The following ZNF239 variants were observed in gnomAD, a reference collection of about 807,000 sequenced individuals.
The protein encoded by ZNF239 is zinc finger protein (C2H2) homologous to mouse MOK-2.
Under a neutral mutation model 27.5 loss-of-function variants are expected in ZNF239, and 16 were observed. That is an observed-to-expected ratio of 0.58 (90% confidence interval 0.39 to 0.88). ZNF239 has a LOEUF of 0.88. Ranked by LOEUF, ZNF239 falls within the 40% of genes least tolerant of loss-of-function variation. The pLI, the probability that ZNF239 is intolerant of heterozygous loss-of-function variation, is 0.00. For synonymous variants in ZNF239, 199 were observed against 192.6 expected, an observed-to-expected ratio of 1.03 and a Z score of -0.27; for missense variants, 527 against 551.9, an observed-to-expected ratio of 0.95 and a Z score of 0.45.
chr10:43,564,359 G>C, intron 3 of ZNF239: 3 of 833,876 alleles, frequency 3.6e-6, no homozygotes, highest in Non-Finnish European at 2.9e-6. Context: ...CATCTAACTT[G>C]AGCTTGAAAA....
chr10:43,573,598 G>C (rs1010898857), intron 2 of ZNF239, 39 bp downstream of exon 2: 2 of 984,824 alleles, frequency 2.0e-6, no homozygotes, highest in African/African-American at 3.5e-5. Flanking sequence ...GGACATTTCA[G>C]GGAGATGGCA....
rs367949093 is a variant in ZNF239 at position 43,557,031 on chromosome 10, C to T, written c.1049G>A (p.Gly350Asp). 3.1e-6 allele frequency: 5 copies of T among 1,608,942 alleles called. No individual in the cohort carries two copies. The African/African-American group carries it at 4.1e-5, about 13-fold the overall frequency. The change falls in exon 4 of 4, where the codon GGT (glycine) becomes GAT (aspartate). Residue 350 changes from glycine (G) to aspartate (D), a missense_variant. By Grantham distance (94) the Gly-to-Asp change is moderately conservative. Coordinates refer to ENST00000374446, the MANE Select transcript of ZNF239 (RefSeq NM_001099282.2). The part of the protein sequence containing the change: ...VHTGERPYKC[G>D]ECGKGFSQSS... ...CTGACTGAAGCCCTTCCCACACTCA[C>T]CACACTTGTAGGGCCTCTCTCCTGT...
rs538705197 is a variant in ZNF239 at position 43,556,451 on chromosome 10, C to T, written c.*252G>A. ...CTTGCCGTTAAAATGCTGGGTAGAA[C>T]ATGTAGTTGAATTGTAAAGTACAGA... On this transcript the variant is annotated 3_prime_UTR_variant, in exon 4 of 4. Transcript: ENST00000374446. 2.0e-5 allele frequency: 9 copies of T among 444,138 alleles called. No individual in the cohort carries two copies. The highest frequency in any genetic ancestry group is 1.6e-4 in the South Asian group (3 of 19,254). 27.5% of individuals were successfully genotyped at this position (444,138 alleles called of 1,614,324 possible). A position where few individuals can be genotyped will look rare whatever the true frequency, so the allele number is the denominator to read the frequency against.
chr10:43,559,499 T>C (rs565906522), intron 3 of ZNF239, among the ~76,000 whole-genome samples: 27 of 152,186 alleles, frequency 1.8e-4, no homozygotes, highest in East Asian at 1.7e-3. Context: ...AGATAGGAAA[T>C]GCAACAGGAA....
chr10:43,568,356 AG>A (rs1837820712), intron 2 of ZNF239: 2 of 985,466 alleles, frequency 2.0e-6, no homozygotes, highest in African/African-American at 3.5e-5. Flanking sequence ...TAACACTCGC[AG>A]GAACAATTTA....
At chr10:43,568,259 G>A in intron 2 of ZNF239, 2 of 985,402 alleles carry the variant, frequency 2.0e-6, no homozygotes, top group South Asian at 4.7e-5. Flanking sequence ...CAAGTTCTCA[G>A]CTACTGAATC....
intron 3 of ZNF239, among the ~76,000 whole-genome samples, chr10:43,567,491 C>G (rs1357430674): frequency 6.6e-6 from 1 of 152,184 alleles, no homozygotes; most frequent in East Asian, 1.9e-4. Context: ...CTGGAAGTCC[C>G]TGCTTTCGAC....
intron 3 of ZNF239, among the ~76,000 whole-genome samples, chr10:43,561,944 C>G (rs11238588): frequency 0.15 from 23,473 of 152,110 alleles, 2,184 homozygotes; most frequent in East Asian, 0.45. Context: ...TTTTAAAAAG[C>G]AAGTATTAGC....
chr10:43,569,261 C>G (rs1837881955), intron 2 of ZNF239, among the ~76,000 whole-genome samples: 2 of 152,180 alleles, frequency 1.3e-5, no homozygotes, highest in African/African-American at 4.8e-5. Flanking sequence ...CTCTCTAGGC[C>G]TAGGCAGCAC....
intron 2 of ZNF239, 52 bp from the exon 3 acceptor site, chr10:43,568,073 C>T: frequency 4.1e-6 from 4 of 985,736 alleles, no homozygotes; most frequent in Non-Finnish European, 4.8e-6. Context: ...GCACAAATGC[C>T]CTGCAAGTGG....
At position 43,557,947 on chromosome 10, in the gene ZNF239, C is replaced by T. The variant is rs1436915232; in HGVS notation, c.133G>A (p.Asp45Asn). The change falls in exon 4 of 4, where the codon GAC becomes AAC. Residue 45 changes from aspartate to asparagine, a missense_variant. Physicochemically the swap from Asp to Asn is conservative, Grantham distance 23. Transcript: ENST00000374446. ...EASSPISRNR[D>N]SVMTLQSGCF... is the part of the protein sequence containing the mutation. ...CCACTTTGAAGAGTCATCACACTGT[C>T]CCTGTTTCTGGAAATAGGAGAAGAT... The T allele has an allele frequency of 3.1e-6, 5 of 1,614,034 alleles. No homozygotes were observed. Among genetic ancestry groups the T allele is most frequent in the African/African-American group, 1.3e-5 (1 of 74,916 alleles).
At chr10:43,559,884 A>C (rs1162259858) in intron 3 of ZNF239, among the ~76,000 whole-genome samples, 1 of 152,210 alleles carries the variant, frequency 6.6e-6, no homozygotes, top group African/African-American at 2.4e-5. Flanking sequence ...TGTACAGCTC[A>C]AATTATGTAT....
chr10:43,562,104 G>A (rs1837299757), intron 3 of ZNF239, among the ~76,000 whole-genome samples: 1 of 152,102 alleles, frequency 6.6e-6, no homozygotes, highest in African/African-American at 2.4e-5. Context: ...TAGGCATTTG[G>A]GGAGGTAATA....
At position 43,556,945 on chromosome 10, in the gene ZNF239, C is replaced by CA; in HGVS notation, c.1134dup (p.Glu379Ter). 6.2e-7 allele frequency: 1 copy of CA among 1,612,444 alleles called. No homozygotes were observed. On this transcript the variant is annotated frameshift_variant, in exon 4 of 4. Coordinates refer to ENST00000374446, the MANE Select transcript of ZNF239 (RefSeq NM_001099282.2). LOFTEE classifies it high-confidence loss of function. ...CTCTGGCTGAAACCCTTCCCACACT[C>CA]ATAGCATTGGTAAGGCTTCTCTCCT...
chr10:43,562,705 T>TTCACA (rs1837345082), intron 3 of ZNF239, among the ~76,000 whole-genome samples: 1 of 152,252 alleles, frequency 6.6e-6, no homozygotes, highest in East Asian at 1.9e-4. Context: ...GTTTTTACTA[T>TTCACA]GAGCTGTCCA....
At chr10:43,567,800 C>T in intron 3 of ZNF239, 99 bp downstream of exon 3, 1 of 651,258 alleles carries the variant, frequency 1.5e-6, no homozygotes, top group Non-Finnish European at 1.9e-6. Flanking sequence ...AGTTCTTTAG[C>T]TGCTTAGAAT....
At chr10:43,560,663 AAAAAAGGCCTATAAT>A (rs1837167452) in intron 3 of ZNF239, among the ~76,000 whole-genome samples, 2 of 151,258 alleles carry the variant, frequency 1.3e-5, no homozygotes, top group Middle Eastern at 3.2e-3. Context: ...AAAAAAAAAA[AAAAAAGGCCTATAAT>A]ATCCACCATC....
chr10:43,558,013 GCTCCCC>G lies in ZNF239; in HGVS notation c.61_66del (p.Gly21_Glu22del), dbSNP rs1564455043. ...TGACAAGGGGAAATATCTAGTTCAG[GCTCCCC>G]ATCCACTTCCCCTCGATGATTCACA... is the stretch of plus-strand genomic sequence containing the variant. On this transcript the variant is annotated inframe_deletion, in exon 4 of 4. Coordinates refer to ENST00000374446, the MANE Select transcript of ZNF239 (RefSeq NM_001099282.2). The G allele has an allele frequency of 6.2e-7, 1 of 1,614,110 alleles. No individual in the cohort carries two copies. Among genetic ancestry groups the G allele is most frequent in the Non-Finnish European group, 8.5e-7 (1 of 1,180,018 alleles).
In ZNF239 at chr10:43,557,909, G is replaced by A. The variant is rs1836916537; in HGVS notation, c.171C>T (p.Asn57=). ...VMTLQSGCFE[N]IESETYLPLK... Reference sequence around the variant, plus strand: ...AAGGCAAATATGTTTCACTTTCAATGTTTTCGAAACAACCACTTTGAAGAG... The same window carrying A: ...AAGGCAAATATGTTTCACTTTCAATATTTTCGAAACAACCACTTTGAAGAG... The change falls in exon 4 of 4, where the codon AAC becomes AAT. Residue 57 remains asparagine (N), a synonymous_variant. Coordinates refer to ENST00000374446, the MANE Select transcript of ZNF239 (RefSeq NM_001099282.2). 6.2e-7 allele frequency: 1 copy of A among 1,614,160 alleles called. No individual in the cohort carries two copies. Among genetic ancestry groups the A allele is most frequent in the Non-Finnish European group, 8.5e-7 (1 of 1,180,030 alleles).
Sources: allele counts gnomAD v4.1 joint callset (sites outside exome capture counted in the v4.1 genomes callset), GRCh38; gene constraint gnomAD v4.1.1; transcripts MANE v1.5; gene names NCBI Gene and HGNC (gene_info 2026-07-23, HGNC 2026-07-21).